The following SEC14L1 variants were observed in gnomAD, a reference collection of about 807,000 sequenced individuals.
SEC14L1 encodes SEC14-like protein 1.
In SEC14L1, 48 loss-of-function variants were observed where a neutral mutation model predicts 85.3. The ratio of observed to expected loss-of-function variants is 0.56; its 90% CI spans 0.45 to 0.72. The LOEUF (loss-of-function observed/expected upper bound fraction) is 0.72. Ranked by LOEUF, SEC14L1 falls within the 30% of genes least tolerant of loss-of-function variation. The probability of loss-of-function intolerance (pLI) is 0.00; values close to 1 mark genes in which losing one functional copy is unlikely to be tolerated. For synonymous variants in SEC14L1, 391 were observed against 355.5 expected (o/e 1.10, Z -1.12); for missense variants, 682 against 921.4 (o/e 0.74, Z 3.36).
rs565244246 is a variant in SEC14L1 at position 77,109,512 on chromosome 17, T to G, written c.-136+16165T>G. Among the ~76,000 whole-genome samples the G allele has an allele frequency of 1.6e-4, 24 of 152,326 alleles. No individual in the cohort carries two copies. The South Asian group carries it at 4.4e-3, about 28-fold the overall frequency. The stretch of plus-strand genomic sequence containing the variant: ...TTAGGCTGCTATTTCTCTCGCCTGA[T>G]TTCTTGGGAAGTCAGATAACAACTC... On this transcript the variant is annotated intron_variant, in intron 3 of 19. Coordinates refer to the SEC14L1 transcript ENST00000392476.
chr17:77,179,443 C>T (rs1293445372), intron 3 of SEC14L1, among the ~76,000 whole-genome samples: 1 of 152,092 alleles, frequency 6.6e-6, no homozygotes, highest in Non-Finnish European at 1.5e-5. Flanking sequence ...ATGAGAAGGC[C>T]CTAGAAAAGA....
At chr17:77,204,336 A>G (rs943369625) in intron 10 of SEC14L1, among the ~76,000 whole-genome samples, 9 of 149,884 alleles carry the variant, frequency 6.0e-5, no homozygotes, top group Non-Finnish European at 1.3e-4. Context: ...TCCTGCCTCA[A>G]CCTCCTGAGT....
intron 3 of SEC14L1, among the ~76,000 whole-genome samples, chr17:77,168,996 G>A (rs977551607): frequency 6.6e-4 from 91 of 137,986 alleles, no homozygotes; most frequent in African/African-American, 2.0e-3. Context: ...CAAAAGACCC[G>A]TGAGGAGCAT....
At position 77,213,886 on chromosome 17, in the gene SEC14L1, C is replaced by T. The variant is rs1291109866; in HGVS notation, c.2043-32C>T. 2.5e-6 allele frequency: 4 copies of T among 1,609,224 alleles called. No homozygotes were observed. The highest frequency in any genetic ancestry group is 1.7e-5 in the Admixed American group (1 of 59,846). On this transcript the variant is annotated intron_variant, in intron 16 of 16. Transcript: ENST00000436233. The surrounding 1 kb of genome is among the most constrained non-coding windows in gnomAD (Gnocchi z 7.1). The stretch of plus-strand genomic sequence containing the variant: ...CCGGCGGGTGGTTGGCAGGGTGGTC[C>T]TCACGCCTCGCCCCTCCCTGTGCCA...
chr17:77,121,116 A>G (rs1490927525), intron 3 of SEC14L1, among the ~76,000 whole-genome samples: 1 of 152,106 alleles, frequency 6.6e-6, no homozygotes, highest in Non-Finnish European at 1.5e-5. Context: ...TAGTGCCTGT[A>G]TTGCTGGCCC....
chr17:77,196,054 T>G (rs1255629304), intron 7 of SEC14L1, 148 bp from the exon 8 acceptor site: 6 of 623,396 alleles, frequency 9.6e-6, no homozygotes, highest in African/African-American at 3.7e-5. Flanking sequence ...TCAAGTCCTC[T>G]AAGGAATCTG....
chr17:77,140,600 C>T (rs920438368), upstream of SEC14L1: 1 of 152,774 alleles, frequency 6.5e-6, no homozygotes, highest in African/African-American at 2.4e-5. Flanking sequence ...AGCCGAACCC[C>T]TCCCCTGCAC....
intron 6 of SEC14L1, among the ~76,000 whole-genome samples, 171 bp from the exon 7 acceptor site, chr17:77,194,506 C>T (rs528578273): frequency 1.2e-3 from 188 of 151,220 alleles, no homozygotes; most frequent in African/African-American, 4.5e-3. Context: ...GAGCTGTGAT[C>T]ATGCCACTGT....
intron 3 of SEC14L1, among the ~76,000 whole-genome samples, chr17:77,102,564 C>T (rs370487295): frequency 7.2e-5 from 11 of 151,888 alleles, no homozygotes; most frequent in East Asian, 5.8e-4. Flanking sequence ...AGTGCAGTGG[C>T]GTGATCTCGG....
intron 3 of SEC14L1, among the ~76,000 whole-genome samples, chr17:77,128,300 G>A (rs974216159): frequency 1.3e-5 from 2 of 152,178 alleles, no homozygotes; most frequent in African/African-American, 4.8e-5. Context: ...CACCAGCACG[G>A]CGCCTGACCA....
chr17:77,188,582 T>C (rs1319189795), intron 3 of SEC14L1, among the ~76,000 whole-genome samples: 2 of 152,186 alleles, frequency 1.3e-5, no homozygotes, highest in Non-Finnish European at 2.9e-5. Flanking sequence ...CAGTTTCTAT[T>C]ATGAGTAACG....
In SEC14L1 at chr17:77,184,948, T is replaced by C. The variant is rs555811577; in HGVS notation, c.64-5855T>C. Among the ~76,000 whole-genome samples, 44 of 152,348 alleles carry C rather than the reference T, an allele frequency of 2.9e-4. 1 individual carries two copies. The highest frequency in any genetic ancestry group is 9.9e-4 in the African/African-American group (41 of 41,584). On this transcript the variant is annotated intron_variant, in intron 3 of 16. Coordinates refer to ENST00000436233, the MANE Select transcript of SEC14L1 (RefSeq NM_001143998.2). ...AGCCATCCCAGAGATGAAAGTTACA[T>C]CTACTTTTTGCAGTCTTTTCATTTC...
intron 3 of SEC14L1, among the ~76,000 whole-genome samples, chr17:77,109,040 T>C (rs1375331509): frequency 6.6e-6 from 1 of 152,182 alleles, no homozygotes; most frequent in Non-Finnish European, 1.5e-5. Context: ...CAGGCTGGAC[T>C]CAAACTTCTG....
rs1276425040 is a variant in SEC14L1 at position 77,095,349 on chromosome 17, G to T, written c.-136+2002G>T. Among the ~76,000 whole-genome samples the T allele has an allele frequency of 2.6e-5, 4 of 152,194 alleles. No individual in the cohort carries two copies. In the East Asian group the frequency reaches 7.7e-4, roughly 29 times the overall value. ...AGTCTGCCAGTAACAGGGAAATCAG[G>T]ACAGGATGGGAATGAGTGTCCCAAG... is the stretch of plus-strand genomic sequence containing the variant. On this transcript the variant is annotated intron_variant, in intron 3 of 19. Coordinates refer to the SEC14L1 transcript ENST00000392476.
intron 3 of SEC14L1, among the ~76,000 whole-genome samples, chr17:77,154,642 T>G (rs928593390): frequency 6.6e-6 from 1 of 151,254 alleles, no homozygotes; most frequent in African/African-American, 2.4e-5. Context: ...TTTTTGTTTT[T>G]TTTTGGTTTT....
At chr17:77,157,942 G>C (rs1664671138) in intron 3 of SEC14L1, among the ~76,000 whole-genome samples, 2 of 151,982 alleles carry the variant, frequency 1.3e-5, no homozygotes, top group South Asian at 4.1e-4. Flanking sequence ...GAAGGAGACT[G>C]TTTGCTTTAT....
chr17:77,121,435 T>G (rs1289031884), intron 3 of SEC14L1, among the ~76,000 whole-genome samples: 1 of 152,222 alleles, frequency 6.6e-6, no homozygotes, highest in Non-Finnish European at 1.5e-5. Context: ...CTCGGCTCAC[T>G]GTAACCTCTG....
At position 77,208,400 on chromosome 17, in the gene SEC14L1, G is replaced by A. The variant is rs188802700; in HGVS notation, c.1477-942G>A. 4.5e-3 allele frequency among the ~76,000 whole-genome samples: 679 copies of A among 152,298 alleles called. 3 individuals carry two copies. Among genetic ancestry groups the A allele is most frequent in the Non-Finnish European group, 5.5e-3 (377 of 68,028 alleles). ...TTGCTGCTTCCAATTATGACACGAA[G>A]AATTGAGCTGGAGCCCAAGGAGACC... On this transcript the variant is annotated intron_variant, in intron 13 of 16. Coordinates refer to ENST00000436233, the MANE Select transcript of SEC14L1 (RefSeq NM_001143998.2).
In SEC14L1 at chr17:77,209,351, C is replaced by A. The variant is rs1285180292; in HGVS notation, c.1486C>A (p.Pro496Thr). 3 of 1,614,048 alleles carry A rather than the reference C, an allele frequency of 1.9e-6. No individual in the cohort carries two copies. The highest frequency in any genetic ancestry group is 2.5e-6 in the Non-Finnish European group (3 of 1,179,970). The change falls in exon 14 of 17, where the codon CCA becomes ACA. Residue 496 changes from proline to threonine, a missense_variant. Pro to Thr is a conservative substitution (Grantham distance 38, BLOSUM62 -1). Around this residue, in one of 3 missense-constraint regions of SEC14L1, gnomAD observed 420 missense variants for 619.5 expected, o/e 0.68. Transcript: ENST00000436233. Reference sequence around the variant, plus strand: ...GTGTTTCTTCTTCCAGTGCGAAGTGCCAGAGGGTGGACTGGTCCCCAAATC... The same window carrying A: ...GTGTTTCTTCTTCCAGTGCGAAGTGACAGAGGGTGGACTGGTCCCCAAATC... ...FLSGECMCEVPEGGLVPKSLY... is the reference protein window; with the variant it reads ...FLSGECMCEVTEGGLVPKSLY...
Sources: gnomAD v4.1 joint callset for allele counts (sites outside exome capture counted in the v4.1 genomes callset) on GRCh38, gnomAD v4.1.1 for gene constraint, gnomAD v4.1.1 regional missense constraint, Gnocchi (gnomAD v3.1) non-coding constraint, MANE v1.5 for transcripts, NCBI Gene and HGNC (gene_info 2026-07-23, HGNC 2026-07-21) for gene names.